Variants in TUBA4B observed in about 807,000 individuals in gnomAD.
The protein encoded by TUBA4B is tubulin alpha 4b, also known as tubulin-like protein alpha-4B.
In TUBA4B, 13 loss-of-function variants were observed where a neutral mutation model predicts 18.4. The observed-to-expected ratio is 0.71, with a 90% CI of 0.46 to 1.12. The LOEUF (loss-of-function observed/expected upper bound fraction) is 1.12, where lower values mean the gene tolerates loss of function less well. Ranked by LOEUF, TUBA4B falls within the 50% of genes most tolerant of loss-of-function variation. The pLI is 0.00. For synonymous variants in TUBA4B, 101 were observed against 99.1 expected (o/e 1.02, Z -0.11); for missense variants, 244 against 250.0 (o/e 0.98, Z 0.16).
intron 2 of TUBA4B, among the ~76,000 whole-genome samples, chr2:219,267,271 G>C (rs1951796165): frequency 6.6e-6 from 1 of 152,186 alleles, no homozygotes; most frequent in Non-Finnish European, 1.5e-5. Flanking sequence ...CAAGCTACTT[G>C]ACTTCTCTGA....
intron 1 of TUBA4B, among the ~76,000 whole-genome samples, chr2:219,256,486 T>C (rs1015571396): frequency 3.9e-5 from 6 of 152,234 alleles, no homozygotes; most frequent in Non-Finnish European, 7.3e-5. Flanking sequence ...ACTTCAGAGA[T>C]GGTAGGCAGA....
At chr2:219,260,842 G>A (rs1039196057) in intron 1 of TUBA4B, among the ~76,000 whole-genome samples, 4 of 152,020 alleles carry the variant, frequency 2.6e-5, no homozygotes, top group South Asian at 4.1e-4. Flanking sequence ...GCTTGGTGGC[G>A]GGCACCTGTA....
chr2:219,253,810 A>G (rs767864743), intron 1 of TUBA4B: 3 of 1,529,446 alleles, frequency 2.0e-6, no homozygotes, highest in Non-Finnish European at 2.6e-6. Context: ...CCCAAAGGAG[A>G]GGGGCAATTA....
At chr2:219,262,966 G>A (rs1307933523) in intron 1 of TUBA4B, among the ~76,000 whole-genome samples, 1 of 151,848 alleles carries the variant, frequency 6.6e-6, no homozygotes, top group Non-Finnish European at 1.5e-5. Flanking sequence ...GCTTGAACCC[G>A]GGAGGCGGAG....
intron 1 of TUBA4B, among the ~76,000 whole-genome samples, chr2:219,261,368 G>A (rs146108630): frequency 3.9e-5 from 6 of 152,228 alleles, no homozygotes; most frequent in Non-Finnish European, 7.4e-5. Context: ...TCCTTGAAGC[G>A]CCCTAGCAGA....
intron 1 of TUBA4B, among the ~76,000 whole-genome samples, chr2:219,259,505 C>A (rs1406445159): frequency 6.6e-6 from 1 of 151,998 alleles, no homozygotes; most frequent in Non-Finnish European, 1.5e-5. Flanking sequence ...AGATCAAAAA[C>A]TTTTAGACAT....
chr2:219,260,490 C>T (rs1951753115), intron 1 of TUBA4B, among the ~76,000 whole-genome samples: 1 of 152,162 alleles, frequency 6.6e-6, no homozygotes, highest in African/African-American at 2.4e-5. Flanking sequence ...TCTGACCTCT[C>T]CTCTGAACTT....
chr2:219,272,137 T>A lies in TUBA4B; in HGVS notation c.*438T>A, dbSNP rs903094043. ...TGGGGGGAAGAAAAGATAGGGGGGA[T>A]GAATACTAGGGGAATACTGTGTGTC... is the stretch of plus-strand genomic sequence containing the variant. On this transcript the variant is annotated 3_prime_UTR_variant, in exon 4 of 4. Transcript: ENST00000490341. 2 of 659,178 alleles carry A rather than the reference T, an allele frequency of 3.0e-6. No homozygotes were observed. Among genetic ancestry groups the A allele is most frequent in the Admixed American group, 2.2e-5 (1 of 45,796 alleles). The allele number at this position is 659,178 out of a possible 1,614,324, so 40.8% of individuals were successfully genotyped here. A position where few individuals can be genotyped will look rare whatever the true frequency, so the allele number is the denominator to read the frequency against.
At chr2:219,260,019 T>A (rs1351591638) in intron 1 of TUBA4B, among the ~76,000 whole-genome samples, 1 of 152,240 alleles carries the variant, frequency 6.6e-6, no homozygotes, top group African/African-American at 2.4e-5. Flanking sequence ...TTCATCTTTC[T>A]TAGCCGCTCA....
At chr2:219,263,090 G>A (rs1467505591) in intron 1 of TUBA4B, among the ~76,000 whole-genome samples, 2 of 152,070 alleles carry the variant, frequency 1.3e-5, no homozygotes, top group African/African-American at 4.8e-5. Context: ...TGTATCCCTG[G>A]CACCTGAAAT....
chr2:219,258,518 T>TG (rs1951738853), intron 1 of TUBA4B, among the ~76,000 whole-genome samples: 1 of 150,098 alleles, frequency 6.7e-6, no homozygotes, highest in African/African-American at 2.5e-5. Flanking sequence ...TTAGTAGAGA[T>TG]GGGGTTTCAC....
chr2:219,254,089 C>T (rs920867376), intron 1 of TUBA4B: 3 of 434,390 alleles, frequency 6.9e-6, no homozygotes, highest in African/African-American at 2.1e-5. Context: ...CGCGGGGGTC[C>T]CTCACCTGTC....
chr2:219,269,164 C>T lies in TUBA4B; in HGVS notation c.59-1038C>T, dbSNP rs952489113. Among the ~76,000 whole-genome samples, 3 of 152,110 alleles carry T rather than the reference C, an allele frequency of 2.0e-5. No individual in the cohort carries two copies. In the Middle Eastern group the frequency reaches 0.01, roughly 517 times the overall value. On this transcript the variant is annotated intron_variant, in intron 2 of 3. Transcript: ENST00000490341. ...CAAGCTTGAGAAATAGAATCTGTCT[C>T]CAATTGCATCTATCTGCTTCCCCTG...
chr2:219,257,506 G>A (rs1029355128), intron 1 of TUBA4B, among the ~76,000 whole-genome samples: 1 of 151,382 alleles, frequency 6.6e-6, no homozygotes, highest in African/African-American at 2.4e-5. Flanking sequence ...GCCAGGTATG[G>A]TGGTGTGCAC....
intron 2 of TUBA4B, among the ~76,000 whole-genome samples, chr2:219,268,322 T>C (rs1437628938): frequency 6.6e-6 from 1 of 152,070 alleles, no homozygotes; most frequent in Non-Finnish European, 1.5e-5. Flanking sequence ...CTCGAGCTCC[T>C]GACCTCAAGT....
chr2:219,258,851 G>A (rs1308591405), intron 1 of TUBA4B, among the ~76,000 whole-genome samples: 1 of 152,042 alleles, frequency 6.6e-6, no homozygotes, highest in East Asian at 1.9e-4. Context: ...CAGAACACAA[G>A]TGTCTGTTGT....
At chr2:219,266,954 C>A (rs1489321536) in intron 2 of TUBA4B, among the ~76,000 whole-genome samples, 1 of 152,138 alleles carries the variant, frequency 6.6e-6, no homozygotes, top group East Asian at 1.9e-4. Flanking sequence ...CACTGTTGGG[C>A]TCTGATCCCA....
rs571314546 is a variant in TUBA4B, at chr2:219,267,267, A to C, written c.58+701A>C. Among the ~76,000 whole-genome samples the C allele has an allele frequency of 3.9e-5, 6 of 152,298 alleles. No individual in the cohort carries two copies. In the South Asian group the frequency reaches 1.2e-3, roughly 32 times the overall value. ...TTTTGCTCATGGCCTTGAGCAAGCTACTTGACTTCTCTGAGGGTCGGTTTC... is the reference window on the plus strand; with the variant it reads ...TTTTGCTCATGGCCTTGAGCAAGCTCCTTGACTTCTCTGAGGGTCGGTTTC... On this transcript the variant is annotated intron_variant, in intron 2 of 3. Transcript: ENST00000490341.
chr2:219,257,824 A>T (rs12694456), intron 1 of TUBA4B, among the ~76,000 whole-genome samples: 128,836 of 149,876 alleles, frequency 0.86, 57,168 homozygotes, highest in South Asian at 0.97. Flanking sequence ...TCAAAAAAAA[A>T]ATATATATAT....
Sources: gnomAD v4.1 joint callset for allele counts (sites outside exome capture counted in the v4.1 genomes callset) on GRCh38, gnomAD v4.1.1 for gene constraint, MANE v1.5 for transcripts, NCBI Gene and HGNC (gene_info 2026-07-23, HGNC 2026-07-21) for gene names.